Variants in GNAI1 observed in about 807,000 individuals in gnomAD.
The protein encoded by GNAI1 is G protein subunit alpha i1.
Under a neutral mutation model 38.9 loss-of-function variants are expected in GNAI1, and 11 were observed. The observed-to-expected ratio is 0.28, with a 90% CI of 0.18 to 0.47. The LOEUF is 0.47. Ranked by LOEUF, GNAI1 falls within the 20% of genes least tolerant of loss-of-function variation. GNAI1 has a pLI of 0.99. For missense variants in GNAI1, 317 were observed against 436.9 expected (o/e 0.73, Z 2.45); for synonymous variants, 166 against 145.1 (o/e 1.14, Z -1.04).
chr7:80,194,507 C>CA (rs1788535477), intron 3 of GNAI1, among the ~76,000 whole-genome samples: 1 of 152,104 alleles, frequency 6.6e-6, no homozygotes, highest in African/African-American at 2.4e-5. Flanking sequence ...TGTAGAACAT[C>CA]CTCTCTCAAC....
At chr7:80,197,052 T>A (rs1183544047) in intron 3 of GNAI1, among the ~76,000 whole-genome samples, 2 of 151,868 alleles carry the variant, frequency 1.3e-5, no homozygotes, top group Non-Finnish European at 3.0e-5. Context: ...TGCTACTTTG[T>A]ATTCTTTCAA....
At chr7:80,137,293 C>CTTTTCTTTTCTTTTT (rs1787432808) in intron 1 of GNAI1, among the ~76,000 whole-genome samples, 1 of 95,262 alleles carries the variant, frequency 1.0e-5, no homozygotes, top group Non-Finnish European at 1.9e-5. Flanking sequence ...TTTCTTTTTT[C>CTTTTCTTTTCTTTTT]TTTTTTTTTT....
intron 4 of GNAI1, among the ~76,000 whole-genome samples, chr7:80,202,395 A>G (rs2115679723): frequency 6.6e-6 from 1 of 152,262 alleles, no homozygotes; most frequent in East Asian, 1.9e-4. Flanking sequence ...GCGAACTGTA[A>G]CGGTTTTAAG....
Position 80,223,228 on chromosome 7 carries a change from G to A in GNAI1, c.*5735G>A, listed in dbSNP as rs1423064619. On this transcript the variant is annotated 3_prime_UTR_variant, in exon 8 of 8. Coordinates refer to ENST00000649796, the MANE Select transcript of GNAI1 (RefSeq NM_002069.6). ...CAGAAATTCCTTTTCCAACTGCAGT[G>A]TCTATGGAGGGATTCTTATAATTAA... Among the ~76,000 whole-genome samples the A allele has an allele frequency of 6.6e-6, 1 of 152,190 alleles. No homozygotes were observed. Among genetic ancestry groups the A allele is most frequent in the Non-Finnish European group, 1.5e-5 (1 of 68,030 alleles).
At chr7:80,171,491 A>G (rs957554261) in intron 1 of GNAI1, among the ~76,000 whole-genome samples, 3 of 152,222 alleles carry the variant, frequency 2.0e-5, no homozygotes, top group East Asian at 1.9e-4. Flanking sequence ...GAAACTGGCT[A>G]TGGCCAGAAT....
At chr7:80,206,723 A>G (rs1004698873) in intron 5 of GNAI1, among the ~76,000 whole-genome samples, 2 of 152,040 alleles carry the variant, frequency 1.3e-5, no homozygotes, top group African/African-American at 4.8e-5. Context: ...GATACGTTCC[A>G]AGACCCCCCA....
chr7:80,135,421 G>A (rs1046844822), intron 1 of GNAI1, 143 bp downstream of exon 1: 2 of 476,608 alleles, frequency 4.2e-6, no homozygotes, highest in Non-Finnish European at 3.5e-6. Context: ...CGGCGGTGCG[G>A]AGGCAAGGCG....
rs548231672 is a variant in GNAI1, at chr7:80,172,235, CCAGTT to C, written c.119-16714_119-16710del. Among the ~76,000 whole-genome samples, 28 of 152,228 alleles carry C rather than the reference CCAGTT, an allele frequency of 1.8e-4. No homozygotes were observed. In the South Asian group the frequency reaches 5.4e-3, roughly 29 times the overall value. Reference sequence around the variant, plus strand: ...AGGTGAGGCTGAAAGGTCTTTGGGTCCAGTTCTAGAAATGCCTGGAATGCCATGCT... The same window carrying C: ...AGGTGAGGCTGAAAGGTCTTTGGGTCCTAGAAATGCCTGGAATGCCATGCT... On this transcript the variant is annotated intron_variant, in intron 1 of 7. Transcript: ENST00000649796.
At chr7:80,162,350 G>C (rs1225276056) in intron 1 of GNAI1, among the ~76,000 whole-genome samples, 5 of 152,146 alleles carry the variant, frequency 3.3e-5, no homozygotes, top group Admixed American at 3.3e-4. Context: ...TAGTTAGCCT[G>C]GTCTTTAAGG....
chr7:80,197,425 T>A (rs573585491), intron 3 of GNAI1, among the ~76,000 whole-genome samples: 1 of 152,116 alleles, frequency 6.6e-6, no homozygotes, highest in African/African-American at 2.4e-5. Flanking sequence ...AGGGCATTAG[T>A]CTTTTTTTGT....
At chr7:80,204,606 A>G (rs2115686355) in intron 5 of GNAI1, among the ~76,000 whole-genome samples, 1 of 152,290 alleles carries the variant, frequency 6.6e-6, no homozygotes, top group Non-Finnish European at 1.5e-5. Context: ...GTCTTGTTTT[A>G]TCTATACAGC....
rs1789143294 is a variant in GNAI1, at chr7:80,225,446, T to A, written c.*7953T>A. Among the ~76,000 whole-genome samples the A allele has an allele frequency of 1.3e-5, 2 of 152,136 alleles. No individual in the cohort carries two copies. Among genetic ancestry groups the A allele is most frequent in the South Asian group, 4.1e-4 (2 of 4,830 alleles). ...AAAAGATTAGTGGGGTTTTTTTTAA[T>A]GTTGTTATTGTGTTGTGTTTTGTTT... On this transcript the variant is annotated 3_prime_UTR_variant, in exon 8 of 8. Coordinates refer to ENST00000649796, the MANE Select transcript of GNAI1 (RefSeq NM_002069.6).
intron 1 of GNAI1, among the ~76,000 whole-genome samples, chr7:80,168,849 A>G (rs2428471): frequency 0.062 from 9,368 of 152,212 alleles, 392 homozygotes; most frequent in Non-Finnish European, 0.088. Flanking sequence ...GACAACCACT[A>G]TCCTACGTTT....
chr7:80,135,287 G>A lies in GNAI1; in HGVS notation c.118+9G>A. The A allele has an allele frequency of 2.1e-6, 3 of 1,432,054 alleles. No individual in the cohort carries two copies. Among genetic ancestry groups the A allele is most frequent in the Admixed American group, 2.6e-5 (1 of 38,946 alleles). 88.7% of individuals were successfully genotyped at this position (1,432,054 alleles called of 1,614,324 possible). ...CAAGCTGCTGCTGCTCGGTAAGGGC[G>A]GCCGGGTCGGGGCCCGGGGGTCGGC... is the stretch of plus-strand genomic sequence containing the variant. On this transcript the variant is annotated intron_variant, in intron 1 of 7. Transcript: ENST00000649796.
chr7:80,152,785 G>C (rs559464864), intron 1 of GNAI1, among the ~76,000 whole-genome samples: 1 of 149,496 alleles, frequency 6.7e-6, no homozygotes, highest in Non-Finnish European at 1.5e-5. Flanking sequence ...GGATGGTCTC[G>C]ATCTCCTGAT....
At chr7:80,181,126 A>G (rs1277333619) in intron 1 of GNAI1, among the ~76,000 whole-genome samples, 1 of 152,054 alleles carries the variant, frequency 6.6e-6, no homozygotes, top group Non-Finnish European at 1.5e-5. Flanking sequence ...TATTACATGT[A>G]TATATCTTAT....
chr7:80,185,732 A>G (rs975423532), intron 1 of GNAI1, among the ~76,000 whole-genome samples: 8 of 152,246 alleles, frequency 5.3e-5, no homozygotes, highest in East Asian at 1.9e-4. Context: ...CCAGCCTCCC[A>G]GAAGTGACTG....
chr7:80,136,215 A>G (rs890648336), intron 1 of GNAI1: 1 of 201,500 alleles, frequency 5.0e-6, no homozygotes, highest in Non-Finnish European at 8.8e-6. Context: ...AAATCTTTAC[A>G]GGTTAAGATT....
chr7:80,135,299 G>A (rs954772934), intron 1 of GNAI1, 21 bp downstream of exon 1: 4 of 1,363,168 alleles, frequency 2.9e-6, no homozygotes, highest in East Asian at 3.0e-5. Flanking sequence ...CCGGGTCGGG[G>A]CCCGGGGGTC....
Sources: gnomAD v4.1 joint callset for allele counts (sites outside exome capture counted in the v4.1 genomes callset) on GRCh38, gnomAD v4.1.1 for gene constraint, MANE v1.5 for transcripts, NCBI Gene and HGNC (gene_info 2026-07-23, HGNC 2026-07-21) for gene names.